LSAMP: variants seen among roughly 807,000 people sequenced by gnomAD.
The protein encoded by LSAMP is limbic system-associated membrane protein.
In LSAMP, 7 loss-of-function variants were observed where a neutral mutation model predicts 38.6. The observed-to-expected ratio is 0.18, with a 90% CI of 0.10 to 0.34. The LOEUF is 0.34. Among genes scored for constraint, LSAMP ranks in the 10% least tolerant of loss-of-function variants. LSAMP has a pLI of 1.00. For synonymous variants in LSAMP, 154 were observed against 166.8 expected, an observed-to-expected ratio of 0.92 and a Z score of 0.59; for missense variants, 313 against 420.0, an observed-to-expected ratio of 0.75 and a Z score of 2.23.
At chr3:115,848,434 A>G (rs568845247) in intron 4 of LSAMP, among the ~76,000 whole-genome samples, 5 of 152,326 alleles carry the variant, frequency 3.3e-5, no homozygotes, top group African/African-American at 1.2e-4. Context: ...AAAAACAAAC[A>G]AACAAAAAAG....
At chr3:115,979,371 C>A (rs1939291024) in intron 3 of LSAMP, among the ~76,000 whole-genome samples, 1 of 152,034 alleles carries the variant, frequency 6.6e-6, no homozygotes, top group South Asian at 2.1e-4. Context: ...GTGAGAAGAA[C>A]AACAATATTG....
chr3:115,875,914 C>G (rs1267275342), intron 3 of LSAMP, among the ~76,000 whole-genome samples: 1 of 152,080 alleles, frequency 6.6e-6, no homozygotes, highest in Non-Finnish European at 1.5e-5. Flanking sequence ...TCCCCAATGC[C>G]TTAAGTACCA....
At chr3:116,289,341 G>A (rs149244096) in intron 1 of LSAMP, among the ~76,000 whole-genome samples, 36 of 152,178 alleles carry the variant, frequency 2.4e-4, no homozygotes, top group East Asian at 5.8e-4. Context: ...CTGAAAAGCC[G>A]TTTTCCTAAA....
At chr3:116,157,176 A>G (rs1183179593) in intron 1 of LSAMP, among the ~76,000 whole-genome samples, 1 of 152,082 alleles carries the variant, frequency 6.6e-6, no homozygotes, top group African/African-American at 2.4e-5. Flanking sequence ...CCAGTGCTAG[A>G]TGATCATTCT....
chr3:116,128,112 A>C (rs1455300230), intron 1 of LSAMP, among the ~76,000 whole-genome samples: 2 of 152,164 alleles, frequency 1.3e-5, no homozygotes, highest in African/African-American at 4.8e-5. Context: ...TTCAATTAAC[A>C]CTTATGGAAT....
intron 1 of LSAMP, among the ~76,000 whole-genome samples, chr3:116,351,082 T>C (rs1000618454): frequency 4.6e-5 from 7 of 151,956 alleles, no homozygotes. Flanking sequence ...GAAACCTCTT[T>C]TTTTTTCAGC....
At chr3:116,140,925 C>T (rs1335260908) in intron 1 of LSAMP, among the ~76,000 whole-genome samples, 1 of 151,894 alleles carries the variant, frequency 6.6e-6, no homozygotes. Flanking sequence ...GATAAAAGAT[C>T]AGTGGTTTTC....
chr3:116,126,118 T>G (rs1023044702), intron 1 of LSAMP, among the ~76,000 whole-genome samples: 3 of 152,216 alleles, frequency 2.0e-5, no homozygotes, highest in Non-Finnish European at 2.9e-5. Context: ...GATCCAAAGC[T>G]TCTAAACTTT....
chr3:116,285,556 A>G (rs775364169), intron 1 of LSAMP, among the ~76,000 whole-genome samples: 1 of 151,088 alleles, frequency 6.6e-6, no homozygotes, highest in Admixed American at 6.6e-5. Flanking sequence ...TTTTTAAAGG[A>G]TAGTTTCTAA....
chr3:116,025,961 G>T (rs1239221008), intron 2 of LSAMP, among the ~76,000 whole-genome samples: 1 of 151,862 alleles, frequency 6.6e-6, no homozygotes, highest in East Asian at 1.9e-4. Flanking sequence ...TCTTTCTTTT[G>T]TTTTTCTGTG....
At chr3:116,026,875 G>T (rs769468840) in intron 2 of LSAMP, among the ~76,000 whole-genome samples, 1 of 152,148 alleles carries the variant, frequency 6.6e-6, no homozygotes, top group Non-Finnish European at 1.5e-5. Flanking sequence ...TTTGAAAAGT[G>T]CTGGCACCAT....
chr3:116,297,715 A>G (rs1490179027), intron 1 of LSAMP, among the ~76,000 whole-genome samples: 1 of 152,230 alleles, frequency 6.6e-6, no homozygotes, highest in African/African-American at 2.4e-5. Context: ...ACACTAAAAA[A>G]TTGATAAAAG....
chr3:115,988,000 G>A (rs565473718), intron 3 of LSAMP, among the ~76,000 whole-genome samples: 5 of 152,014 alleles, frequency 3.3e-5, no homozygotes, highest in Admixed American at 6.6e-5. Context: ...AGCTAAATAT[G>A]TAATGTTTCT....
chr3:116,200,142 C>G (rs1342965698), intron 1 of LSAMP, among the ~76,000 whole-genome samples: 3 of 151,336 alleles, frequency 2.0e-5, no homozygotes, highest in Admixed American at 2.0e-4. Context: ...ACATGTATAG[C>G]AGGAATTTCC....
rs34933256 is a variant in LSAMP, at chr3:115,810,245, G to GTCTCTCTCTCTCTCTCTCTCTGTCTC, written c.*71_*72insGAGACAGAGAGAGAGAGAGAGAGAGA. The GTCTCTCTCTCTCTCTCTCTCTGTCTC allele has an allele frequency of 4.8e-6, 4 of 839,900 alleles. No individual in the cohort carries two copies. Among genetic ancestry groups the GTCTCTCTCTCTCTCTCTCTCTGTCTC allele is most frequent in the South Asian group, 1.8e-5 (1 of 54,862 alleles). The allele number at this position is 839,900 out of a possible 1,614,324, so 52.0% of individuals were successfully genotyped here. On this transcript the variant is annotated 3_prime_UTR_variant, in exon 7 of 7. Coordinates refer to ENST00000490035, the MANE Select transcript of LSAMP (RefSeq NM_002338.5). ...CATCTCTCTCTCTCTCTCTCTCTCT[G>GTCTCTCTCTCTCTCTCTCTCTGTCTC]TCTCTCTCTCTCTGTATTCTGTGTG...
intron 2 of LSAMP, among the ~76,000 whole-genome samples, chr3:116,083,966 A>T (rs1432599968): frequency 6.6e-6 from 1 of 152,128 alleles, no homozygotes; most frequent in Non-Finnish European, 1.5e-5. Context: ...GGAGGATACC[A>T]TGCTTTCTTT....
chr3:116,044,726 C>T (rs539950390), intron 2 of LSAMP, among the ~76,000 whole-genome samples: 2 of 152,244 alleles, frequency 1.3e-5, no homozygotes, highest in South Asian at 4.2e-4. Flanking sequence ...TCACAATCCT[C>T]AGCTCTCACA....
chr3:116,241,213 T>C (rs1041095351), intron 1 of LSAMP, among the ~76,000 whole-genome samples: 3 of 151,624 alleles, frequency 2.0e-5, no homozygotes, highest in Non-Finnish European at 4.4e-5. Flanking sequence ...TTCCCATTTT[T>C]TTTTTCTCTT....
intron 2 of LSAMP, among the ~76,000 whole-genome samples, chr3:116,076,543 C>T (rs1284577930): frequency 6.6e-6 from 1 of 152,166 alleles, no homozygotes; most frequent in East Asian, 1.9e-4. Flanking sequence ...AGGCATGAGC[C>T]ACCACACCCG....
Sources: gnomAD v4.1 joint callset for allele counts (sites outside exome capture counted in the v4.1 genomes callset) on GRCh38, gnomAD v4.1.1 for gene constraint, MANE v1.5 for transcripts, NCBI Gene and HGNC (gene_info 2026-07-23, HGNC 2026-07-21) for gene names.